The following PRDM5 variants were observed in gnomAD, a reference collection of about 807,000 sequenced individuals.
The protein encoded by PRDM5 is PR/SET domain 5.
PRDM5 carries 56 observed loss-of-function variants against 81.2 expected under a neutral mutation model. The observed-to-expected ratio is 0.69, with a 90% confidence interval of 0.56 to 0.86. PRDM5 has a LOEUF of 0.86. Among genes scored for constraint, PRDM5 ranks in the 40% least tolerant of loss-of-function variants. PRDM5 has a pLI of 0.00. For synonymous variants in PRDM5, 267 were observed against 256.4 expected (o/e 1.04, Z -0.39); for missense variants, 697 against 770.1 (o/e 0.91, Z 1.12).
chr4:120,748,102 T>C (rs188998824), intron 14 of PRDM5, among the ~76,000 whole-genome samples: 37 of 152,356 alleles, frequency 2.4e-4, no homozygotes, highest in Admixed American at 9.8e-4. Flanking sequence ...ATAAGTTCTA[T>C]AATTTCCAGA....
intron 5 of PRDM5, 55 bp downstream of exon 5, chr4:120,818,298 A>C: frequency 6.4e-7 from 1 of 1,564,610 alleles, no homozygotes; most frequent in Non-Finnish European, 8.8e-7. Flanking sequence ...GTTAAGCTGA[A>C]TGGAATAAAC....
At chr4:120,914,853 C>T (rs140601502) in intron 1 of PRDM5, among the ~76,000 whole-genome samples, 6 of 152,222 alleles carry the variant, frequency 3.9e-5, no homozygotes, top group South Asian at 2.1e-4. Context: ...TCTCTGGCAG[C>T]GGCTTGGATC....
intron 14 of PRDM5, among the ~76,000 whole-genome samples, chr4:120,737,778 T>C (rs1203314288): frequency 6.6e-6 from 1 of 152,358 alleles, no homozygotes; most frequent in South Asian, 2.1e-4. Flanking sequence ...ACTGCTATAG[T>C]CCCAGCTCTT....
In PRDM5 at chr4:120,916,402, A is replaced by AATAC. The variant is rs1210499267; in HGVS notation, c.93+6113_93+6114insGTAT. ...ACTGTATCTCATAAATAAATAAATA[A>AATAC]ATAAATAAATAAATAAATAAATAGC... is the stretch of plus-strand genomic sequence containing the variant. On this transcript the variant is annotated intron_variant, in intron 1 of 15. Coordinates refer to ENST00000264808, the MANE Select transcript of PRDM5 (RefSeq NM_018699.4). 7.9e-3 allele frequency among the ~76,000 whole-genome samples: 1,201 copies of AATAC among 151,662 alleles called. 13 individuals carry two copies. Among genetic ancestry groups the AATAC allele is most frequent in the African/African-American group, 0.028 (1,136 of 41,228 alleles).
intron 13 of PRDM5, among the ~76,000 whole-genome samples, chr4:120,769,391 G>A (rs1746899859): frequency 6.6e-6 from 1 of 152,150 alleles, no homozygotes; most frequent in Admixed American, 6.5e-5. Flanking sequence ...AGGGGTAGGG[G>A]ACAGGTCAGG....
intron 14 of PRDM5, among the ~76,000 whole-genome samples, chr4:120,726,689 C>T (rs951878018): frequency 7.2e-5 from 11 of 152,184 alleles, no homozygotes; most frequent in African/African-American, 2.7e-4. Flanking sequence ...ACATTTCTCT[C>T]CCCTCAAAGA....
At chr4:120,770,253 T>G (rs1747069762) in intron 13 of PRDM5, among the ~76,000 whole-genome samples, 1 of 152,126 alleles carries the variant, frequency 6.6e-6, no homozygotes, top group South Asian at 2.1e-4. Context: ...GGTCTCAAAC[T>G]CCTGACCTCA....
chr4:120,901,438 C>T (rs925036212), intron 2 of PRDM5, among the ~76,000 whole-genome samples: 2 of 152,098 alleles, frequency 1.3e-5, no homozygotes, highest in Non-Finnish European at 2.9e-5. Context: ...ATGAATGATC[C>T]AGGAGACAGA....
At chr4:120,708,406 C>T (rs755382520) in intron 15 of PRDM5, among the ~76,000 whole-genome samples, 2 of 151,986 alleles carry the variant, frequency 1.3e-5, no homozygotes, top group African/African-American at 2.4e-5. Flanking sequence ...TCACATATTG[C>T]ATATTTCATT....
rs186812791 is a variant in PRDM5 at position 120,881,733 on chromosome 4, T to C, written c.177+25741A>G. The stretch of plus-strand genomic sequence containing the variant: ...AAAGTATTAACTGGGTGGTGTCTCA[T>C]GTAATATGACTCACCTAAAGCCAAA... On this transcript the variant is annotated intron_variant, in intron 2 of 15. Transcript: ENST00000264808. 2.6e-5 allele frequency among the ~76,000 whole-genome samples: 4 copies of C among 152,310 alleles called. No homozygotes were observed. The East Asian group carries it at 7.7e-4, about 29-fold the overall frequency.
At chr4:120,900,161 T>C (rs912029313) in intron 2 of PRDM5, among the ~76,000 whole-genome samples, 2 of 152,162 alleles carry the variant, frequency 1.3e-5, no homozygotes, top group African/African-American at 2.4e-5. Flanking sequence ...GGAAGCTTCA[T>C]TACTAGGCAT....
At chr4:120,854,107 A>G (rs987522640) in intron 2 of PRDM5, among the ~76,000 whole-genome samples, 18 of 152,008 alleles carry the variant, frequency 1.2e-4, no homozygotes, top group African/African-American at 3.6e-4. Context: ...TTCATGGCCC[A>G]CTCATGGATT....
chr4:120,880,527 G>A (rs894573347), intron 2 of PRDM5, among the ~76,000 whole-genome samples: 7 of 152,014 alleles, frequency 4.6e-5, no homozygotes, highest in Admixed American at 2.0e-4. Context: ...ATTCAACCAT[G>A]TAACCAATAC....
At chr4:120,894,353 T>C (rs1014906282) in intron 2 of PRDM5, among the ~76,000 whole-genome samples, 1 of 152,206 alleles carries the variant, frequency 6.6e-6, no homozygotes, top group African/African-American at 2.4e-5. Context: ...ACACCAACAA[T>C]ATGTTATTCA....
At chr4:120,827,413 T>C (rs1161988273) in intron 3 of PRDM5, among the ~76,000 whole-genome samples, 1 of 152,122 alleles carries the variant, frequency 6.6e-6, no homozygotes, top group Non-Finnish European at 1.5e-5. Flanking sequence ...GGTAGTGCCA[T>C]GTGGTGTGGC....
At chr4:120,838,847 G>A (rs375025058) in intron 3 of PRDM5, 19 of 206,660 alleles carry the variant, frequency 9.2e-5, no homozygotes, top group African/African-American at 3.8e-4. Context: ...CACACTAATG[G>A]CCTGGATTCC....
rs960868004 is a variant in PRDM5, at chr4:120,818,402, A to G, written c.601T>C (p.Cys201Arg). 4.3e-6 allele frequency: 7 copies of G among 1,613,982 alleles called. No homozygotes were observed. Among genetic ancestry groups the G allele is most frequent in the Admixed American group, 1.7e-5 (1 of 59,972 alleles). ...GGGAATTTCTTCCCACAGTTCTTGC[A>G]CTTAAATTCTTTCTCCTCTGTGGGT... ...QKPTEEKEFKCKNCGKKFPVK... is the reference protein window; with the variant it reads ...QKPTEEKEFKRKNCGKKFPVK... Residue 201 changes from cysteine to arginine, a missense_variant, in exon 5 of 16, where the codon TGC (cysteine) becomes CGC (arginine). This residue lies in a region of PRDM5 where 577 missense variants were observed against 606.7 expected (regional missense o/e 0.95). Coordinates refer to ENST00000264808, the MANE Select transcript of PRDM5 (RefSeq NM_018699.4).
At chr4:120,758,020 C>G (rs1745037309) in intron 13 of PRDM5, among the ~76,000 whole-genome samples, 1 of 152,048 alleles carries the variant, frequency 6.6e-6, no homozygotes. Flanking sequence ...GTACCTACAT[C>G]AACAAACCCC....
chr4:120,855,114 C>A (rs1759726415), intron 2 of PRDM5, among the ~76,000 whole-genome samples: 1 of 152,200 alleles, frequency 6.6e-6, no homozygotes. Flanking sequence ...AAAGACACAT[C>A]TGTTACAGGC....
Sources: allele counts gnomAD v4.1 joint callset (sites outside exome capture counted in the v4.1 genomes callset), GRCh38; gene constraint gnomAD v4.1.1; regional missense constraint gnomAD v4.1.1; transcripts MANE v1.5; gene names NCBI Gene and HGNC (gene_info 2026-07-23, HGNC 2026-07-21).